Variants in PCDHGA2 observed in about 807,000 individuals in gnomAD.
PCDHGA2 encodes protocadherin gamma-A2.
A neutral mutation model predicts 59.2 loss-of-function variants in PCDHGA2; 40 were observed. That is an observed-to-expected ratio of 0.68 (90% CI 0.52 to 0.88). PCDHGA2 has a LOEUF of 0.88. PCDHGA2 is among the 40% of genes least tolerant of loss of function. PCDHGA2 has a pLI of 0.00. For synonymous variants in PCDHGA2, 560 were observed against 526.0 expected, an observed-to-expected ratio of 1.06 and a Z score of -0.89; for missense variants, 1,226 against 1,204.0, an observed-to-expected ratio of 1.02 and a Z score of -0.27.
chr5:141,347,570 T>A (rs1331675063), intron 1 of PCDHGA2, among the ~76,000 whole-genome samples: 1 of 152,094 alleles, frequency 6.6e-6, no homozygotes, highest in Non-Finnish European at 1.5e-5. Context: ...GTGGATCACT[T>A]GAAGTCAGGA....
At position 141,493,726 on chromosome 5, in the gene PCDHGA2, G is replaced by C. The variant is rs1032021616; in HGVS notation, c.2425-1081G>C. ...CTGGAATGCTAGGTTTCTGGGTTCT[G>C]CTCATATCACTGCCACCTGTGAGCC... On this transcript the variant is annotated intron_variant, in intron 1 of 3. Coordinates refer to ENST00000394576, the MANE Select transcript of PCDHGA2 (RefSeq NM_018915.4). This position sits in a 1 kb window ranked among gnomAD's most constrained non-coding sequence, Gnocchi z 4.3. Among the ~76,000 whole-genome samples, 2 of 152,154 alleles carry C rather than the reference G, an allele frequency of 1.3e-5. No individual in the cohort carries two copies. Among genetic ancestry groups the C allele is most frequent in the African/African-American group, 4.8e-5 (2 of 41,438 alleles).
At chr5:141,444,880 G>C (rs527554886) in intron 1 of PCDHGA2, among the ~76,000 whole-genome samples, 5 of 152,268 alleles carry the variant, frequency 3.3e-5, no homozygotes, top group Admixed American at 1.3e-4. Flanking sequence ...AAGCTTGTAG[G>C]ATTTTTGAAT....
At chr5:141,371,506 C>G in intron 1 of PCDHGA2, 1 of 1,613,856 alleles carries the variant, frequency 6.2e-7, no homozygotes, top group Non-Finnish European at 8.5e-7. Flanking sequence ...CTGATCAAAA[C>G]ACATGATCTA....
intron 1 of PCDHGA2, chr5:141,356,963 T>C: frequency 6.2e-7 from 1 of 1,614,226 alleles, no homozygotes; most frequent in Non-Finnish European, 8.5e-7. Context: ...GGCTACCTGG[T>C]GACCAAAGTG....
chr5:141,364,962 T>G, intron 1 of PCDHGA2: 1 of 1,613,878 alleles, frequency 6.2e-7, no homozygotes, highest in South Asian at 1.1e-5. Context: ...CACGACCTCC[T>G]CCTCACAGCT....
rs2099730037 is a variant in PCDHGA2 at position 141,491,783 on chromosome 5, A to G, written c.2425-3024A>G. The G allele has an allele frequency of 1.3e-6, 2 of 1,539,618 alleles. No homozygotes were observed. The highest frequency in any genetic ancestry group is 2.2e-5 in the Admixed American group (1 of 46,412). On this transcript the variant is annotated intron_variant, in intron 1 of 3. Transcript: ENST00000394576. The surrounding 1 kb of genome is among the most constrained non-coding windows in gnomAD (Gnocchi z 6.9). ...CGTCCTCATAAGGGATTGAACTTGC[A>G]TCCACTCCTCTCCGGCCGGCTTGGT...
At position 141,419,312 on chromosome 5, in the gene PCDHGA2, G is replaced by C. The variant is rs35892780; in HGVS notation, c.2425-75495G>C. On this transcript the variant is annotated intron_variant, in intron 1 of 3. Transcript: ENST00000394576. ...CTCTGACCCAGACTTCGGGCTCAAC[G>C]GCCGTGTCTCCTACTCTCTCATTGC... 1.0e-3 allele frequency: 1,689 copies of C among 1,613,962 alleles called. 4 individuals are homozygous for C. Among genetic ancestry groups the C allele is most frequent in the Middle Eastern group, 5.3e-3 (32 of 6,062 alleles).
intron 1 of PCDHGA2, chr5:141,418,637 T>C: frequency 6.2e-7 from 1 of 1,613,998 alleles, no homozygotes; most frequent in Non-Finnish European, 8.5e-7. Context: ...TCCAGGCACC[T>C]CCATCCTGAG....
In PCDHGA2 at chr5:141,432,006, C is replaced by T. The variant is rs138689793; in HGVS notation, c.2425-62801C>T. Reference sequence around the variant, plus strand: ...ATAGTCTTGGATAGGGAACAGGTTCCTAGCTACAACATCACAGTGACCGCC... The same window carrying T: ...ATAGTCTTGGATAGGGAACAGGTTCTTAGCTACAACATCACAGTGACCGCC... On this transcript the variant is annotated intron_variant, in intron 1 of 3. Transcript: ENST00000394576. This position sits in a 1 kb window ranked among gnomAD's most constrained non-coding sequence, Gnocchi z 6.0. The T allele has an allele frequency of 2.6e-4, 412 of 1,614,186 alleles. 2 individuals carry two copies. The African/African-American group carries it at 4.6e-3, about 18-fold the overall frequency.
rs1433429634 is a variant in PCDHGA2 at position 141,486,311 on chromosome 5, G to T, written c.2425-8496G>T. 1.2e-6 allele frequency: 2 copies of T among 1,613,956 alleles called. No homozygotes were observed. Among genetic ancestry groups the T allele is most frequent in the African/African-American group, 2.7e-5 (2 of 74,892 alleles). On this transcript the variant is annotated intron_variant, in intron 1 of 3. Transcript: ENST00000394576. The surrounding 1 kb of genome is among the most constrained non-coding windows in gnomAD (Gnocchi z 5.0). The stretch of plus-strand genomic sequence containing the variant: ...TATCAGTGTGCAGGATCCAGACTCA[G>T]GGTCAAACGGAGATGTGAGCCTCCG...
chr5:141,371,971 G>T lies in PCDHGA2; in HGVS notation c.2424+30576G>T, dbSNP rs372239619. 1.2e-6 allele frequency: 2 copies of T among 1,612,320 alleles called. No individual in the cohort carries two copies. The highest frequency in any genetic ancestry group is 3.3e-5 in the Admixed American group (2 of 59,994). The stretch of plus-strand genomic sequence containing the variant: ...CGAGCCTTCGACCACGAGCAGCTGC[G>T]TGCCTTCGAGCTCACTCTGCAGGCC... On this transcript the variant is annotated intron_variant, in intron 1 of 3. Transcript: ENST00000394576.
At chr5:141,391,211 A>C (rs2092317474) in intron 1 of PCDHGA2, 1 of 152,220 alleles carries the variant, frequency 6.6e-6, no homozygotes, top group African/African-American at 2.4e-5. Flanking sequence ...AATACCAAGG[A>C]ACATTATATG....
chr5:141,511,462 C>T lies in PCDHGA2; in HGVS notation c.*289C>T, dbSNP rs1385398410. On this transcript the variant is annotated 3_prime_UTR_variant, in exon 4 of 4. Transcript: ENST00000394576. Reference sequence around the variant, plus strand: ...AGACACCAAGAACCATTTGCCACACCCCGTTTAGTTACAGCTGAACTCCTC... The same window carrying T: ...AGACACCAAGAACCATTTGCCACACTCCGTTTAGTTACAGCTGAACTCCTC... 5.4e-6 allele frequency: 3 copies of T among 556,350 alleles called. No individual in the cohort carries two copies. In the South Asian group the frequency reaches 6.3e-5, roughly 12 times the overall value. 34.5% of individuals were successfully genotyped at this position (556,350 alleles called of 1,614,324 possible).
intron 1 of PCDHGA2, chr5:141,419,399 G>T (rs893535249): frequency 6.2e-7 from 1 of 1,613,470 alleles, no homozygotes. Context: ...GAGCGGGGTG[G>T]TGTTCGCGCA....
chr5:141,340,334 A>T lies in PCDHGA2; in HGVS notation c.1363A>T (p.Thr455Ser), dbSNP rs1038352018. 1.2e-6 allele frequency: 2 copies of T among 1,614,060 alleles called. No individual in the cohort carries two copies. Among genetic ancestry groups the T allele is most frequent in the African/African-American group, 1.3e-5 (1 of 74,984 alleles). ...CGACAACGCACCCGCCTTCTCCCGC[A>T]CATCCTACTCCACCTACATTCCCGA... The part of the protein sequence containing the change: ...INDNAPAFSR[T>S]SYSTYIPENN... The change falls in exon 1 of 4, where the codon ACA becomes TCA. Residue 455 changes from threonine (T) to serine (S), a missense_variant. Thr to Ser is a moderately conservative substitution (Grantham distance 58). Transcript: ENST00000394576.
At chr5:141,505,804 G>A (rs554534524) in intron 3 of PCDHGA2, among the ~76,000 whole-genome samples, 13 of 152,240 alleles carry the variant, frequency 8.5e-5, no homozygotes, top group Admixed American at 3.3e-4. Context: ...GACTTGGATC[G>A]ACTTGCTCAA....
At chr5:141,408,115 C>T (rs2095044760) in intron 1 of PCDHGA2, 1 of 1,461,312 alleles carries the variant, frequency 6.8e-7, no homozygotes, top group Non-Finnish European at 9.1e-7. Context: ...GGGACTCCTC[C>T]TGTCCTGGGC....
At chr5:141,355,075 T>G in intron 1 of PCDHGA2, 2 of 1,395,680 alleles carry the variant, frequency 1.4e-6, no homozygotes, top group Non-Finnish European at 1.9e-6. Flanking sequence ...TTATGAAAGC[T>G]TCAAGCGGAA....
At chr5:141,492,468 G>A (rs927514972) in intron 1 of PCDHGA2, among the ~76,000 whole-genome samples, 1 of 152,232 alleles carries the variant, frequency 6.6e-6, no homozygotes, top group Admixed American at 6.5e-5. Flanking sequence ...GAGGGTCCCA[G>A]ATCGCGGCCG....
Sources: allele counts gnomAD v4.1 joint callset (sites outside exome capture counted in the v4.1 genomes callset), GRCh38; gene constraint gnomAD v4.1.1; non-coding constraint Gnocchi (gnomAD v3.1); transcripts MANE v1.5; gene names NCBI Gene and HGNC (gene_info 2026-07-23, HGNC 2026-07-21).